Variants in RBFOX1 observed in about 807,000 individuals in gnomAD.
The protein encoded by RBFOX1 is RNA binding protein fox-1 homolog 1.
In RBFOX1, 8 loss-of-function variants were observed where a neutral mutation model predicts 57.7. The observed-to-expected ratio is 0.14, with a 90% confidence interval of 0.08 to 0.25. The LOEUF (loss-of-function observed/expected upper bound fraction) is 0.25, where lower values mean the gene tolerates loss of function less well. Ranked by LOEUF, RBFOX1 falls within the 10% of genes least tolerant of loss-of-function variation. The pLI is 1.00. For synonymous variants in RBFOX1, 326 were observed against 222.4 expected (o/e 1.47, Z -4.15); for missense variants, 611 against 548.5 (o/e 1.11, Z -1.14).
intron 4 of RBFOX1, among the ~76,000 whole-genome samples, chr16:7,303,252 C>T (rs2096075265): frequency 6.6e-6 from 1 of 152,250 alleles, no homozygotes; most frequent in African/African-American, 2.4e-5. Flanking sequence ...CCCGGGGGTG[C>T]ATCGGCGCTT....
chr16:6,154,467 A>G (rs1021508595), intron 1 of RBFOX1, among the ~76,000 whole-genome samples: 2 of 152,196 alleles, frequency 1.3e-5, no homozygotes, highest in African/African-American at 4.8e-5. Flanking sequence ...CCAGGTAGTG[A>G]ATCTATTATC....
At chr16:7,630,336 C>T (rs1271388057) in intron 10 of RBFOX1, among the ~76,000 whole-genome samples, 1 of 151,978 alleles carries the variant, frequency 6.6e-6, no homozygotes, top group Non-Finnish European at 1.5e-5. Flanking sequence ...CTGATCTGAA[C>T]CTGGGCCCTG....
At chr16:7,293,397 A>T (rs2095832114) in intron 4 of RBFOX1, among the ~76,000 whole-genome samples, 1 of 152,192 alleles carries the variant, frequency 6.6e-6, no homozygotes, top group South Asian at 2.1e-4. Flanking sequence ...ATGGATAGTG[A>T]ACGATGACTC....
intron 1 of RBFOX1, among the ~76,000 whole-genome samples, chr16:6,234,708 C>A (rs888887876): frequency 6.6e-6 from 1 of 152,090 alleles, no homozygotes; most frequent in African/African-American, 2.4e-5. Context: ...GAAATGAATA[C>A]AACAAAGGGG....
intron 4 of RBFOX1, among the ~76,000 whole-genome samples, chr16:7,242,556 A>C (rs957641769): frequency 3.9e-5 from 6 of 152,226 alleles, no homozygotes; most frequent in Non-Finnish European, 7.3e-5. Flanking sequence ...ACACGTGGCA[A>C]CTTGGACATG....
At chr16:7,708,984 T>C in intron 14 of RBFOX1, 72 bp from the exon 15 acceptor site, 2 of 1,434,156 alleles carry the variant, frequency 1.4e-6, no homozygotes, top group Admixed American at 1.7e-5. Context: ...TCTTGGTATT[T>C]TGGATTTTAT....
intron 5 of RBFOX1, among the ~76,000 whole-genome samples, chr16:7,575,824 T>G (rs7196554): frequency 0.42 from 64,619 of 152,110 alleles, 14,075 homozygotes; most frequent in East Asian, 0.53. Context: ...TGGAGGGCTT[T>G]GTGATGATCT....
chr16:6,481,146 T>C (rs1387880582), intron 2 of RBFOX1, among the ~76,000 whole-genome samples: 4 of 152,238 alleles, frequency 2.6e-5, no homozygotes, highest in Non-Finnish European at 5.9e-5. Context: ...ACAGTGCTCA[T>C]GGGAGACTCT....
At chr16:6,975,088 C>G (rs565401732) in intron 3 of RBFOX1, among the ~76,000 whole-genome samples, 162 of 152,092 alleles carry the variant, frequency 1.1e-3, no homozygotes, top group African/African-American at 3.7e-3. Flanking sequence ...GACGGGAAAA[C>G]CTCAACAACA....
intron 2 of RBFOX1, among the ~76,000 whole-genome samples, chr16:6,360,535 A>C (rs1009141471): frequency 4.0e-5 from 6 of 151,840 alleles, no homozygotes; most frequent in African/African-American, 9.7e-5. Flanking sequence ...GAAAGTCTCT[A>C]CTCCTCTGTT....
At chr16:7,312,599 T>G (rs921464471) in intron 4 of RBFOX1, among the ~76,000 whole-genome samples, 3 of 152,100 alleles carry the variant, frequency 2.0e-5, no homozygotes, top group Admixed American at 2.0e-4. Flanking sequence ...TTCTCTTTCT[T>G]CCTCCAGTGA....
At chr16:6,881,000 G>C (rs747753353) in intron 3 of RBFOX1, among the ~76,000 whole-genome samples, 124 of 152,244 alleles carry the variant, frequency 8.1e-4, no homozygotes, top group Non-Finnish European at 1.5e-3. Flanking sequence ...GCCTAGGCAG[G>C]GCTGAAAAAT....
At chr16:6,306,923 T>C (rs1176336053) in intron 1 of RBFOX1, among the ~76,000 whole-genome samples, 1 of 152,160 alleles carries the variant, frequency 6.6e-6, no homozygotes, top group African/African-American at 2.4e-5. Context: ...AAGGAAGATA[T>C]AGCTACTTTG....
chr16:7,464,523 G>T (rs926496910), intron 4 of RBFOX1, among the ~76,000 whole-genome samples: 4 of 151,974 alleles, frequency 2.6e-5, no homozygotes, highest in Non-Finnish European at 5.9e-5. Context: ...CTCTTTTCTA[G>T]TAATTTCACC....
At chr16:6,160,658 C>G (rs1461278934) in intron 1 of RBFOX1, among the ~76,000 whole-genome samples, 1 of 152,140 alleles carries the variant, frequency 6.6e-6, no homozygotes, top group African/African-American at 2.4e-5. Context: ...TTTGTGAGAA[C>G]AAAGCTGGAG....
chr16:6,442,773 G>T (rs903044800), intron 2 of RBFOX1, among the ~76,000 whole-genome samples: 2 of 152,104 alleles, frequency 1.3e-5, no homozygotes, highest in African/African-American at 2.4e-5. Flanking sequence ...CCCTTCTCTT[G>T]TCCTGCCGTC....
intron 3 of RBFOX1, among the ~76,000 whole-genome samples, chr16:5,712,305 T>C (rs765749613): frequency 3.9e-5 from 6 of 152,212 alleles, no homozygotes; most frequent in Non-Finnish European, 7.3e-5. Flanking sequence ...CAATACCTCA[T>C]TTAGTTTTCA....
At chr16:7,331,552 T>A (rs2096695874) in intron 4 of RBFOX1, among the ~76,000 whole-genome samples, 1 of 152,178 alleles carries the variant, frequency 6.6e-6, no homozygotes, top group South Asian at 2.1e-4. Context: ...ACCAAAGATG[T>A]GTCTGTACCA....
At chr16:6,221,075 T>C (rs142217624) in intron 1 of RBFOX1, among the ~76,000 whole-genome samples, 1 of 152,280 alleles carries the variant, frequency 6.6e-6, no homozygotes, top group Non-Finnish European at 1.5e-5. Context: ...CGGGTAACTT[T>C]TTCCATATTT....
Sources: allele counts gnomAD v4.1 joint callset (sites outside exome capture counted in the v4.1 genomes callset), GRCh38; gene constraint gnomAD v4.1.1; transcripts MANE v1.5; gene names NCBI Gene and HGNC (gene_info 2026-07-23, HGNC 2026-07-21).